PLD5: variants seen among roughly 807,000 people sequenced by gnomAD.
The protein encoded by PLD5 is phospholipase D family member 5, also known as inactive phospholipase D5.
Under a neutral mutation model 61.1 loss-of-function variants are expected in PLD5, and 36 were observed. That is an observed-to-expected ratio of 0.59 (90% CI 0.45 to 0.78). The LOEUF is 0.78. Among genes scored for constraint, PLD5 ranks in the 30% least tolerant of loss-of-function variants. PLD5 has a pLI of 0.00. For synonymous variants in PLD5, 243 were observed against 242.8 expected (o/e 1.00, Z -0.01); for missense variants, 515 against 644.4 (o/e 0.80, Z 2.17).
intron 2 of PLD5, among the ~76,000 whole-genome samples, chr1:242,312,069 TCTA>T (rs1007588742): frequency 6.6e-6 from 1 of 151,980 alleles, no homozygotes; most frequent in African/African-American, 2.4e-5. Flanking sequence ...TTTTATAATT[TCTA>T]CTTTTTTTAT....
At chr1:242,388,484 T>G (rs1271926054) in intron 1 of PLD5, among the ~76,000 whole-genome samples, 1 of 151,940 alleles carries the variant, frequency 6.6e-6, no homozygotes, top group Non-Finnish European at 1.5e-5. Flanking sequence ...TGGGGCAAAG[T>G]AGGAACAGAA....
chr1:242,400,840 C>T (rs2149278009), intron 1 of PLD5, among the ~76,000 whole-genome samples: 1 of 152,262 alleles, frequency 6.6e-6, no homozygotes. Context: ...TGAGAGAAGA[C>T]ACATTATGGA....
intron 1 of PLD5, among the ~76,000 whole-genome samples, chr1:242,362,228 A>G (rs1370096083): frequency 6.6e-6 from 1 of 152,132 alleles, no homozygotes; most frequent in Non-Finnish European, 1.5e-5. Context: ...ATTATTCCCT[A>G]TATGAAAAAT....
intron 5 of PLD5, among the ~76,000 whole-genome samples, chr1:242,164,342 C>T (rs895349138): frequency 2.0e-5 from 3 of 151,616 alleles, no homozygotes; most frequent in Non-Finnish European, 2.9e-5. Flanking sequence ...ATGCTTTATC[C>T]AAACGAAACT....
chr1:242,449,815 A>G (rs897197537), intron 1 of PLD5, among the ~76,000 whole-genome samples: 4 of 152,204 alleles, frequency 2.6e-5, no homozygotes, highest in Non-Finnish European at 4.4e-5. Flanking sequence ...AATTCCAATC[A>G]GAGTAAAGGA....
intron 5 of PLD5, among the ~76,000 whole-genome samples, chr1:242,134,727 C>T (rs1212569700): frequency 6.6e-6 from 1 of 152,180 alleles, no homozygotes; most frequent in African/African-American, 2.4e-5. Context: ...AATGCCCTCC[C>T]TAGCAGCACT....
At chr1:242,419,178 C>T (rs1347743055) in intron 1 of PLD5, among the ~76,000 whole-genome samples, 1 of 152,130 alleles carries the variant, frequency 6.6e-6, no homozygotes, top group Non-Finnish European at 1.5e-5. Context: ...GGCTCATGCT[C>T]AGTGTGGAGA....
At chr1:242,376,969 C>A (rs949032152) in intron 1 of PLD5, 3 of 1,611,236 alleles carry the variant, frequency 1.9e-6, no homozygotes, top group South Asian at 1.1e-5. Flanking sequence ...AAGGCCATGC[C>A]GTGTATCCGC....
chr1:242,161,579 TTTAAG>T (rs1269957333), intron 5 of PLD5, among the ~76,000 whole-genome samples: 5 of 152,168 alleles, frequency 3.3e-5, no homozygotes, highest in Admixed American at 2.0e-4. Flanking sequence ...ATTGTGAATA[TTTAAG>T]TTTTGTCCAG....
At chr1:242,154,504 TGA>T (rs1366949541) in intron 5 of PLD5, among the ~76,000 whole-genome samples, 3 of 152,210 alleles carry the variant, frequency 2.0e-5, no homozygotes, top group Admixed American at 6.5e-5. Flanking sequence ...CTTATTATTT[TGA>T]GATACTTTCC....
At chr1:242,338,191 T>C (rs1292600997) in intron 2 of PLD5, among the ~76,000 whole-genome samples, 1 of 152,188 alleles carries the variant, frequency 6.6e-6, no homozygotes. Flanking sequence ...ATTACAGGTC[T>C]ATAACCAAAA....
intron 1 of PLD5, among the ~76,000 whole-genome samples, chr1:242,421,243 A>T (rs1325766868): frequency 5.3e-5 from 8 of 151,744 alleles, no homozygotes. Context: ...GAGAATAAAG[A>T]CCACATCTTT....
chr1:242,453,317 C>T (rs1228373000), intron 1 of PLD5, among the ~76,000 whole-genome samples: 3 of 152,232 alleles, frequency 2.0e-5, no homozygotes, highest in African/African-American at 4.8e-5. Context: ...CCTCCAGAAT[C>T]GGGAGAAATA....
At chr1:242,378,197 T>TCTAACA (rs1311809140) in intron 1 of PLD5, among the ~76,000 whole-genome samples, 3 of 152,146 alleles carry the variant, frequency 2.0e-5, no homozygotes, top group African/African-American at 7.2e-5. Flanking sequence ...AGAAGGAAAT[T>TCTAACA]CTAACACATG....
chr1:242,412,766 T>C (rs1245962174), intron 1 of PLD5, among the ~76,000 whole-genome samples: 1 of 152,216 alleles, frequency 6.6e-6, no homozygotes, highest in Non-Finnish European at 1.5e-5. Context: ...ATGTAAAAGG[T>C]GCTATTATCA....
At chr1:242,419,386 GTTTT>G (rs58320205) in intron 1 of PLD5, among the ~76,000 whole-genome samples, 2 of 96,548 alleles carry the variant, frequency 2.1e-5, no homozygotes, top group Non-Finnish European at 4.2e-5. Context: ...CCTGATTTTT[GTTTT>G]TTTTTTTTTT....
chr1:242,099,932 T>G (rs1660558283), intron 9 of PLD5, among the ~76,000 whole-genome samples: 1 of 152,312 alleles, frequency 6.6e-6, no homozygotes, highest in East Asian at 1.9e-4. Context: ...TGGTACTAGT[T>G]AAAAGGTTAT....
chr1:242,523,944 C>A, intron 1 of PLD5, 144 bp downstream of exon 1: 1 of 875,018 alleles, frequency 1.1e-6, no homozygotes, highest in Middle Eastern at 3.5e-4. Context: ...GGCAGAGAAG[C>A]CCCCGAATCC....
At chr1:242,341,980 A>G (rs1334568887) in intron 2 of PLD5, among the ~76,000 whole-genome samples, 1 of 151,800 alleles carries the variant, frequency 6.6e-6, no homozygotes, top group African/African-American at 2.4e-5. Flanking sequence ...GAGGTCTTGA[A>G]CAGAGGCTGC....
Sources: gnomAD v4.1 joint callset for allele counts (sites outside exome capture counted in the v4.1 genomes callset) on GRCh38, gnomAD v4.1.1 for gene constraint, MANE v1.5 for transcripts, NCBI Gene and HGNC (gene_info 2026-07-23, HGNC 2026-07-21) for gene names.